Variants in EML1 observed in about 807,000 individuals in gnomAD.
EML1 encodes EMAP like 1, also known as echinoderm microtubule-associated protein-like 1.
EML1 carries 27 observed loss-of-function variants against 110.4 expected under a neutral mutation model. That is an observed-to-expected ratio of 0.24 (90% CI 0.18 to 0.34). EML1 has a LOEUF of 0.34. Ranked by LOEUF, EML1 falls within the 10% of genes least tolerant of loss-of-function variation. The pLI is 1.00. For missense variants in EML1, 741 were observed against 1,030.9 expected (o/e 0.72, Z 3.85); for synonymous variants, 344 against 385.8 (o/e 0.89, Z 1.27).
intron 1 of EML1, among the ~76,000 whole-genome samples, chr14:99,755,254 A>T (rs1406755368): frequency 6.6e-6 from 1 of 152,190 alleles, no homozygotes; most frequent in Non-Finnish European, 1.5e-5. Context: ...ACCGTGGAGG[A>T]CAGGCAGCCT....
Position 99,900,941 on chromosome 14 carries a change from C to A in EML1, c.910C>A (p.His304Asn), listed in dbSNP as rs140354054. Reference protein sequence around the residue: ...TSKDGKQLPPHVRIWDSVTLN... With the variant: ...TSKDGKQLPPNVRIWDSVTLN... ...CTTTTCTGAACAGCAATTGCCCCCA[C>A]ATGTGCGCATCTGGGATTCTGTGAC... is the stretch of plus-strand genomic sequence containing the variant. Residue 304 changes from histidine (H) to asparagine (N), a missense_variant, in exon 9 of 22, where the codon CAT (histidine) becomes AAT (asparagine). Around this residue, in one of 4 missense-constraint regions of EML1, gnomAD observed 388 missense variants for 605.6 expected, o/e 0.64. Transcript: ENST00000262233. The A allele has an allele frequency of 1.2e-5, 19 of 1,613,932 alleles. No individual in the cohort carries two copies. Among genetic ancestry groups the A allele is most frequent in the Non-Finnish European group, 1.6e-5 (19 of 1,179,902 alleles).
chr14:99,851,168 C>A, intron 2 of EML1, 133 bp downstream of exon 2: 1 of 997,078 alleles, frequency 1.0e-6, no homozygotes, highest in Non-Finnish European at 1.4e-6. Context: ...AGTCTTAGCA[C>A]TGTCAACATA....
chr14:99,845,645 A>T (rs889780715), intron 1 of EML1, among the ~76,000 whole-genome samples: 3 of 152,198 alleles, frequency 2.0e-5, no homozygotes, highest in African/African-American at 7.2e-5. Context: ...TTTTTTTTGT[A>T]AGAGCTTAGC....
chr14:99,864,671 G>A (rs2059061965), intron 2 of EML1, among the ~76,000 whole-genome samples: 1 of 152,044 alleles, frequency 6.6e-6, no homozygotes, highest in Non-Finnish European at 1.5e-5. Context: ...AATTAGCTGG[G>A]CATGGTAGCC....
chr14:99,762,320 T>C (rs2057322658), intron 1 of EML1, among the ~76,000 whole-genome samples: 1 of 151,830 alleles, frequency 6.6e-6, no homozygotes, highest in African/African-American at 2.4e-5. Context: ...TTGAGGAATA[T>C]CCACAGTAAA....
At chr14:99,901,534 G>A (rs1045647500) in intron 9 of EML1, among the ~76,000 whole-genome samples, 1 of 152,224 alleles carries the variant, frequency 6.6e-6, no homozygotes, top group African/African-American at 2.4e-5. Context: ...CTATAGAGCA[G>A]CCCTGAGGTC....
chr14:99,872,640 C>T (rs2059224901), intron 3 of EML1, among the ~76,000 whole-genome samples: 1 of 152,076 alleles, frequency 6.6e-6, no homozygotes, highest in African/African-American at 2.4e-5. Context: ...ATGGGACTTC[C>T]CTTCCATTTG....
chr14:99,789,852 T>C (rs983725482), upstream of EML1, among the ~76,000 whole-genome samples: 3 of 152,242 alleles, frequency 2.0e-5, no homozygotes, highest in Non-Finnish European at 4.4e-5. Context: ...GACAACATTT[T>C]TGGTGCTCAG....
At chr14:99,739,486 C>T (rs1182939182) in intron 1 of EML1, among the ~76,000 whole-genome samples, 1 of 152,150 alleles carries the variant, frequency 6.6e-6, no homozygotes, top group Non-Finnish European at 1.5e-5. Flanking sequence ...TGGGAGGTGA[C>T]GTGGGCCTCA....
chr14:99,860,027 A>C (rs1299180352), intron 2 of EML1, among the ~76,000 whole-genome samples: 2 of 152,044 alleles, frequency 1.3e-5, no homozygotes, highest in Non-Finnish European at 2.9e-5. Context: ...TTTAGAAAGA[A>C]TCCAAGGCGT....
At chr14:99,802,210 AG>A (rs2057894096) in intron 1 of EML1, among the ~76,000 whole-genome samples, 1 of 152,048 alleles carries the variant, frequency 6.6e-6, no homozygotes, top group East Asian at 1.9e-4. Context: ...AACTGAAAGA[AG>A]GTTGCCTGTG....
At chr14:99,884,472 T>C (rs2059441633) in intron 4 of EML1, among the ~76,000 whole-genome samples, 1 of 152,146 alleles carries the variant, frequency 6.6e-6, no homozygotes, top group South Asian at 2.1e-4. Context: ...TCCTAACAAA[T>C]GTCAGTGGCA....
At chr14:99,898,451 A>G in intron 8 of EML1, 149 bp downstream of exon 8, 1 of 754,492 alleles carries the variant, frequency 1.3e-6, no homozygotes, top group Non-Finnish European at 2.0e-6. Flanking sequence ...TTTATTGTAA[A>G]TTAGAAGACT....
chr14:99,748,339 G>A lies in EML1; in HGVS notation c.28+10479G>A, dbSNP rs375622424. On this transcript the variant is annotated intron_variant, in intron 1 of 10. Transcript: ENST00000554479. ...TGAGTGGTACTCACGTTTCTCCCCG[G>A]TTTCTGGGAGGAAAAGGGAGGGGCC... 4.0e-3 allele frequency among the ~76,000 whole-genome samples: 607 copies of A among 152,300 alleles called. 2 individuals carry two copies. Among genetic ancestry groups the A allele is most frequent in the Middle Eastern group, 0.024 (7 of 294 alleles).
rs115769357 is a variant in EML1, at chr14:99,828,536, T to C, written c.68-22317T>C. On this transcript the variant is annotated intron_variant, in intron 1 of 21. Transcript: ENST00000262233. Reference sequence around the variant, plus strand: ...TTCTATTTTATTATTAGTTATTTATTATTACTTAATCTCTTACAGTGTCTA... The same window carrying C: ...TTCTATTTTATTATTAGTTATTTATCATTACTTAATCTCTTACAGTGTCTA... Among the ~76,000 whole-genome samples, 311 of 152,304 alleles carry C rather than the reference T, an allele frequency of 2.0e-3. 1 individual carries two copies. Among genetic ancestry groups the C allele is most frequent in the African/African-American group, 6.7e-3 (280 of 41,582 alleles).
chr14:99,777,459 G>A (rs751203172), intron 1 of EML1, among the ~76,000 whole-genome samples: 2 of 151,948 alleles, frequency 1.3e-5, no homozygotes, highest in South Asian at 2.1e-4. Flanking sequence ...TTGCGCTGTC[G>A]CCCAGGCTGC....
chr14:99,910,355 G>A lies in EML1; in HGVS notation c.1339+14G>A. The A allele has an allele frequency of 6.3e-7, 1 of 1,594,302 alleles. No individual in the cohort carries two copies. The highest frequency in any genetic ancestry group is 8.6e-7 in the Non-Finnish European group (1 of 1,167,082). On this transcript the variant is annotated intron_variant, in intron 12 of 21. Coordinates refer to ENST00000262233, the MANE Select transcript of EML1 (RefSeq NM_004434.3). ...TATGGGGAAAAGGTAATAAGTGATTGTTCCCAAAACCAATGGTTTTTGGTA... is the reference window on the plus strand; with the variant it reads ...TATGGGGAAAAGGTAATAAGTGATTATTCCCAAAACCAATGGTTTTTGGTA...
At chr14:99,889,663 G>A (rs1321635623) in intron 4 of EML1, among the ~76,000 whole-genome samples, 2 of 152,178 alleles carry the variant, frequency 1.3e-5, no homozygotes, top group Non-Finnish European at 2.9e-5. Flanking sequence ...GGGCCCATGA[G>A]CCAACGCCTG....
intron 1 of EML1, among the ~76,000 whole-genome samples, chr14:99,834,242 AT>A (rs1007713440): frequency 6.6e-6 from 1 of 152,006 alleles, no homozygotes. Context: ...GAATAAACCT[AT>A]TAATAGGTCA....
Sources: allele counts gnomAD v4.1 joint callset (sites outside exome capture counted in the v4.1 genomes callset), GRCh38; gene constraint gnomAD v4.1.1; regional missense constraint gnomAD v4.1.1; transcripts MANE v1.5; gene names NCBI Gene and HGNC (gene_info 2026-07-23, HGNC 2026-07-21).